The following BHLHA15 variants were observed in gnomAD, a reference collection of about 807,000 sequenced individuals.
BHLHA15 encodes basic helix-loop-helix family member a15, also known as class A basic helix-loop-helix protein 15.
In BHLHA15, 7 loss-of-function variants were observed where a neutral mutation model predicts 10.4. That is an observed-to-expected ratio of 0.67 (90% CI 0.38 to 1.26). BHLHA15 has a LOEUF of 1.26. BHLHA15 is among the 50% of genes most tolerant of loss of function. BHLHA15 has a pLI of 0.02. For missense variants in BHLHA15, 289 were observed against 287.4 expected, an observed-to-expected ratio of 1.01 and a Z score of -0.04; for synonymous variants, 140 against 131.5, an observed-to-expected ratio of 1.06 and a Z score of -0.44.
rs1200448969 is a variant in BHLHA15 at position 98,214,159 on chromosome 7, C to T, written c.*1280C>T. On this transcript the variant is annotated 3_prime_UTR_variant, in exon 2 of 2. Transcript: ENST00000609256. ...AAGGGCTCTGGCTGGCCCGTCCCCA[C>T]CAGGTGGCCCTGCCCTCCCCAAGTT... is the stretch of plus-strand genomic sequence containing the variant. Among the ~76,000 whole-genome samples the T allele has an allele frequency of 6.8e-6, 1 of 146,934 alleles. No homozygotes were observed. Among genetic ancestry groups the T allele is most frequent in the Non-Finnish European group, 1.5e-5 (1 of 68,024 alleles).
chr7:98,213,029 C>T lies in BHLHA15; in HGVS notation c.*150C>T, dbSNP rs1797932860. 1.3e-6 allele frequency: 1 copy of T among 773,092 alleles called. No homozygotes were observed. The highest frequency in any genetic ancestry group is 3.5e-5 in the Admixed American group (1 of 28,324). The allele number at this position is 773,092 out of a possible 1,614,324, so 47.9% of individuals were successfully genotyped here. A position where few individuals can be genotyped will look rare whatever the true frequency, so the allele number is the denominator to read the frequency against. ...TTCCATTTTCCCCCGAACATTCAGC[C>T]ACTTCCCTGGAGCAATTTTTCCTGC... is the stretch of plus-strand genomic sequence containing the variant. On this transcript the variant is annotated 3_prime_UTR_variant, in exon 2 of 2. Transcript: ENST00000609256.
In BHLHA15 at chr7:98,212,945, C is replaced by G. The variant is rs539232635; in HGVS notation, c.*66C>G. 2.1e-6 allele frequency: 3 copies of G among 1,424,668 alleles called. No individual in the cohort carries two copies. The African/African-American group carries it at 4.4e-5, about 21-fold the overall frequency. The allele number at this position is 1,424,668 out of a possible 1,614,324, so 88.3% of individuals were successfully genotyped here. A position where few individuals can be genotyped will look rare whatever the true frequency, so the allele number is the denominator to read the frequency against. Reference sequence around the variant, plus strand: ...TGGCCTGCTCCTCCCAGCCCCAGTCCCTCCAAGCCACGAGCCCCAGATGGG... The same window carrying G: ...TGGCCTGCTCCTCCCAGCCCCAGTCGCTCCAAGCCACGAGCCCCAGATGGG... On this transcript the variant is annotated 3_prime_UTR_variant, in exon 2 of 2. Coordinates refer to ENST00000609256, the MANE Select transcript of BHLHA15 (RefSeq NM_177455.4).
At position 98,212,771 on chromosome 7, in the gene BHLHA15, G is replaced by A; in HGVS notation, c.462G>A (p.Gln154=). Residue 154 remains glutamine (Q), a synonymous_variant, in exon 2 of 2, where the codon CAG becomes CAA. Coordinates refer to ENST00000609256, the MANE Select transcript of BHLHA15 (RefSeq NM_177455.4). ...GPGPKLYQHY[Q]QQQQVAGGAL... ...GCCCCAAGCTCTACCAGCACTACCA[G>A]CAGCAGCAGCAGGTGGCTGGGGGTG... The A allele has an allele frequency of 6.6e-7, 1 of 1,519,134 alleles. No individual in the cohort carries two copies. The allele number at this position is 1,519,134 out of a possible 1,614,324, so 94.1% of individuals were successfully genotyped here.
chr7:98,212,117 G>A, intron 1 of BHLHA15, 139 bp from the exon 2 acceptor site: 2 of 466,424 alleles, frequency 4.3e-6, no homozygotes, highest in Non-Finnish European at 7.3e-6. Context: ...GTGAACAGAA[G>A]GACCTCCAGT....
In BHLHA15 at chr7:98,212,471, C is replaced by T. The variant is rs375830264; in HGVS notation, c.162C>T (p.Gly54=). Residue 54 remains glycine, a synonymous_variant, in exon 2 of 2, where the codon GGC becomes GGT. Coordinates refer to ENST00000609256, the MANE Select transcript of BHLHA15 (RefSeq NM_177455.4). ...RPARAAARAP[G]EGRRRRPGPS... is the part of the protein sequence containing the mutation. The stretch of plus-strand genomic sequence containing the variant: ...CCCGGGCCGCAGCAAGGGCTCCGGG[C>T]GAGGGCAGGCGCAGGCGGCCAGGAC... 99 of 1,550,752 alleles carry T rather than the reference C, an allele frequency of 6.4e-5. No homozygotes were observed. The African/African-American group carries it at 9.2e-4, about 14-fold the overall frequency.
chr7:98,212,022 C>T (rs372052795), intron 1 of BHLHA15, among the ~76,000 whole-genome samples: 3 of 152,198 alleles, frequency 2.0e-5, no homozygotes, highest in African/African-American at 4.8e-5. Context: ...GGAAGGGGGA[C>T]GCAGGGACAG....
In BHLHA15 at chr7:98,215,441, A is replaced by C. The variant is rs2116510113; in HGVS notation, c.*2562A>C. On this transcript the variant is annotated 3_prime_UTR_variant, in exon 2 of 2. Coordinates refer to ENST00000609256, the MANE Select transcript of BHLHA15 (RefSeq NM_177455.4). ...AAACAAAAATAAAAGATTTCACAGC[A>C]ATGTCTGCTTCAGGCACACGGGGAA... The C allele has an allele frequency of 6.6e-6, 1 of 152,390 alleles. No homozygotes were observed. The highest frequency in any genetic ancestry group is 3.4e-3 in the Middle Eastern group (1 of 294). 9.4% of individuals were successfully genotyped at this position (152,390 alleles called of 1,614,324 possible). A position where few individuals can be genotyped will look rare whatever the true frequency, so the allele number is the denominator to read the frequency against.
In BHLHA15 at chr7:98,212,527, G is replaced by T; in HGVS notation, c.218G>T (p.Ser73Ile). The T allele has an allele frequency of 6.3e-7, 1 of 1,591,180 alleles. No homozygotes were observed. Among genetic ancestry groups the T allele is most frequent in the Non-Finnish European group, 8.5e-7 (1 of 1,171,704 alleles). ...GGGCCCGGTGGCCGTCGTGACAGCA[G>T]CATCCAGCGGCGGCTGGAGAGCAAC... ...PSGPGGRRDS[S>I]IQRRLESNER... Residue 73 changes from serine to isoleucine, a missense_variant, in exon 2 of 2, where the codon AGC (serine) becomes ATC (isoleucine). Physicochemically the swap from Ser to Ile is moderately radical, Grantham distance 142. Transcript: ENST00000609256.
rs780454116 is a variant in BHLHA15 at position 98,212,449 on chromosome 7, G to T, written c.140G>T (p.Arg47Leu). ...PAKGLRSRPA[R>L]AAARAPGEGR... ...AAGGGTCTGCGGAGCCGGCCGGCCC[G>T]GGCCGCAGCAAGGGCTCCGGGCGAG... Residue 47 changes from arginine to leucine, a missense_variant, in exon 2 of 2, where the codon CGG (arginine) becomes CTG (leucine). Physicochemically the swap from Arg to Leu is moderately radical, Grantham distance 102. Transcript: ENST00000609256. 6.5e-7 allele frequency: 1 copy of T among 1,533,852 alleles called. No homozygotes were observed. Among genetic ancestry groups the T allele is most frequent in the South Asian group, 1.2e-5 (1 of 82,986 alleles).
Position 98,212,784 on chromosome 7 carries a change from G to A in BHLHA15, c.475G>A (p.Val159Met), listed in dbSNP as rs1048876066. The stretch of plus-strand genomic sequence containing the variant: ...CCAGCACTACCAGCAGCAGCAGCAG[G>A]TGGCTGGGGGTGCGTTGGGGGCCAC... Reference protein sequence around the residue: ...LYQHYQQQQQVAGGALGATEA... With the variant: ...LYQHYQQQQQMAGGALGATEA... The change falls in exon 2 of 2, where the codon GTG becomes ATG. Residue 159 changes from valine to methionine, a missense_variant. By Grantham distance (21) the Val-to-Met change is conservative (BLOSUM62 1). Transcript: ENST00000609256. 6.5e-7 allele frequency: 1 copy of A among 1,548,246 alleles called. No homozygotes were observed. The highest frequency in any genetic ancestry group is 8.7e-7 in the Non-Finnish European group (1 of 1,147,682).
chr7:98,213,158 G>C lies in BHLHA15; in HGVS notation c.*279G>C, dbSNP rs545613454. On this transcript the variant is annotated 3_prime_UTR_variant, in exon 2 of 2. Coordinates refer to ENST00000609256, the MANE Select transcript of BHLHA15 (RefSeq NM_177455.4). Reference sequence around the variant, plus strand: ...CCCAGTTGGATCCTGATTTTTCATTGAGCCAGGCAGTCTCAGCCCGAGTTG... The same window carrying C: ...CCCAGTTGGATCCTGATTTTTCATTCAGCCAGGCAGTCTCAGCCCGAGTTG... Among the ~76,000 whole-genome samples the C allele has an allele frequency of 1.3e-5, 2 of 152,294 alleles. No individual in the cohort carries two copies. The highest frequency in any genetic ancestry group is 4.1e-4 in the South Asian group (2 of 4,828).
In BHLHA15 at chr7:98,212,648, G is replaced by A. The variant is rs749352751; in HGVS notation, c.339G>A (p.Lys113=). The A allele has an allele frequency of 1.9e-6, 3 of 1,600,242 alleles. No individual in the cohort carries two copies. Among genetic ancestry groups the A allele is most frequent in the African/African-American group, 1.3e-5 (1 of 74,968 alleles). The change falls in exon 2 of 2, where the codon AAG becomes AAA. Residue 113 remains lysine, a synonymous_variant. Coordinates refer to ENST00000609256, the MANE Select transcript of BHLHA15 (RefSeq NM_177455.4). ...TGCGCGCGGACAAGAAGCTCTCCAAGATCGAGACGCTCACGCTGGCCAAGA... is the reference window on the plus strand; with the variant it reads ...TGCGCGCGGACAAGAAGCTCTCCAAAATCGAGACGCTCACGCTGGCCAAGA... ...PHVRADKKLS[K]IETLTLAKNY...
At position 98,212,326 on chromosome 7, in the gene BHLHA15, G is replaced by C; in HGVS notation, c.17G>C (p.Arg6Pro). The C allele has an allele frequency of 7.3e-7, 1 of 1,371,630 alleles. No individual in the cohort carries two copies. The highest frequency in any genetic ancestry group is 9.4e-7 in the Non-Finnish European group (1 of 1,061,002). 85.0% of individuals were successfully genotyped at this position (1,371,630 alleles called of 1,614,324 possible). A position where few individuals can be genotyped will look rare whatever the true frequency, so the allele number is the denominator to read the frequency against. Residue 6 changes from arginine to proline, a missense_variant, in exon 2 of 2, where the codon CGG becomes CCG. By Grantham distance (103) the Arg-to-Pro change is moderately radical. Coordinates refer to ENST00000609256, the MANE Select transcript of BHLHA15 (RefSeq NM_177455.4). MKTKN[R>P]PPRRRAPVQD... ...TCCAGGGCCATGAAGACCAAGAACC[G>C]GCCCCCACGGCGCCGGGCCCCGGTG... is the stretch of plus-strand genomic sequence containing the variant.
In BHLHA15 at chr7:98,212,852, G is replaced by A. The variant is rs1053315806; in HGVS notation, c.543G>A (p.Gln181=). The change falls in exon 2 of 2, where the codon CAG becomes CAA. Residue 181 remains glutamine, a synonymous_variant. Coordinates refer to ENST00000609256, the MANE Select transcript of BHLHA15 (RefSeq NM_177455.4). ...PQGHLQRYST[Q]IHSFREGT ...GCCACCTGCAGAGGTACTCCACGCA[G>A]ATCCACAGCTTCCGAGAGGGCACCT... The A allele has an allele frequency of 6.5e-6, 10 of 1,546,028 alleles. No homozygotes were observed. Among genetic ancestry groups the A allele is most frequent in the Non-Finnish European group, 7.8e-6 (9 of 1,150,598 alleles).
rs1296578289 is a variant in BHLHA15, at chr7:98,212,591, C to T, written c.282C>T (p.Ala94=). 6.2e-7 allele frequency: 1 copy of T among 1,607,058 alleles called. No individual in the cohort carries two copies. ...AGCGGATGCACAAGCTAAATAACGC[C>T]TTCCAGGCCCTGCGTGAAGTCATCC... ...ERQRMHKLNN[A]FQALREVIPH... Residue 94 remains alanine (A), a synonymous_variant, in exon 2 of 2, where the codon GCC becomes GCT. Transcript: ENST00000609256.
chr7:98,215,024 C>G lies in BHLHA15; in HGVS notation c.*2145C>G, dbSNP rs1037986025. The G allele has an allele frequency of 5.3e-5, 8 of 152,330 alleles. No individual in the cohort carries two copies. Among genetic ancestry groups the G allele is most frequent in the African/African-American group, 1.9e-4 (8 of 41,458 alleles). 9.4% of individuals were successfully genotyped at this position (152,330 alleles called of 1,614,324 possible). On this transcript the variant is annotated 3_prime_UTR_variant, in exon 2 of 2. Transcript: ENST00000609256. ...GGCCAGGTCCACTCCCTTGGCCCTC[C>G]TCTTGGACCCCAAGGCCAGGCCGGA...
chr7:98,212,615 C>T lies in BHLHA15; in HGVS notation c.306C>T (p.Ile102=), dbSNP rs756620293. ...NNAFQALREV[I]PHVRADKKLS... Reference sequence around the variant, plus strand: ...CCTTCCAGGCCCTGCGTGAAGTCATCCCCCACGTGCGCGCGGACAAGAAGC... The same window carrying T: ...CCTTCCAGGCCCTGCGTGAAGTCATTCCCCACGTGCGCGCGGACAAGAAGC... The change falls in exon 2 of 2, where the codon ATC becomes ATT. Residue 102 remains isoleucine, a synonymous_variant. Transcript: ENST00000609256. 3.7e-6 allele frequency: 6 copies of T among 1,607,188 alleles called. No individual in the cohort carries two copies. The highest frequency in any genetic ancestry group is 5.1e-6 in the Non-Finnish European group (6 of 1,177,872).
At position 98,214,162 on chromosome 7, in the gene BHLHA15, G is replaced by T. The variant is rs1239806917; in HGVS notation, c.*1283G>T. 6.8e-6 allele frequency among the ~76,000 whole-genome samples: 1 copy of T among 146,960 alleles called. No individual in the cohort carries two copies. Among genetic ancestry groups the T allele is most frequent in the Non-Finnish European group, 1.5e-5 (1 of 68,020 alleles). On this transcript the variant is annotated 3_prime_UTR_variant, in exon 2 of 2. Transcript: ENST00000609256. ...GGCTCTGGCTGGCCCGTCCCCACCA[G>T]GTGGCCCTGCCCTCCCCAAGTTGGG...
chr7:98,214,929 C>G lies in BHLHA15; in HGVS notation c.*2050C>G, dbSNP rs1025883750. Reference sequence around the variant, plus strand: ...CAGAGGGGACGCCCCGCGGCCACATCACACAGGATCCTCAGCAGCCATAGT... The same window carrying G: ...CAGAGGGGACGCCCCGCGGCCACATGACACAGGATCCTCAGCAGCCATAGT... On this transcript the variant is annotated 3_prime_UTR_variant, in exon 2 of 2. Coordinates refer to ENST00000609256, the MANE Select transcript of BHLHA15 (RefSeq NM_177455.4). The G allele has an allele frequency of 6.6e-6, 1 of 152,394 alleles. No individual in the cohort carries two copies. The highest frequency in any genetic ancestry group is 1.5e-5 in the Non-Finnish European group (1 of 68,180). The allele number at this position is 152,394 out of a possible 1,614,324, so 9.4% of individuals were successfully genotyped here.
Sources: gnomAD v4.1 joint callset for allele counts (sites outside exome capture counted in the v4.1 genomes callset) on GRCh38, gnomAD v4.1.1 for gene constraint, MANE v1.5 for transcripts, NCBI Gene and HGNC (gene_info 2026-07-23, HGNC 2026-07-21) for gene names.